Variants in DNAH14 observed in about 807,000 individuals in gnomAD.
DNAH14 encodes dynein axonemal heavy chain 14.
A neutral mutation model predicts 520.9 loss-of-function variants in DNAH14; 478 were observed. That is an observed-to-expected ratio of 0.92 (90% CI 0.85 to 0.99). DNAH14 has a LOEUF of 0.99. Among genes scored for constraint, DNAH14 ranks in the 50% least tolerant of loss-of-function variants. The pLI is 0.00. For missense variants in DNAH14, 4,831 were observed against 5,234.5 expected, an observed-to-expected ratio of 0.92 and a Z score of 2.38; for synonymous variants, 1,581 against 1,757.2, an observed-to-expected ratio of 0.90 and a Z score of 2.51.
At chr1:225,032,765 A>G (rs1047481579) in intron 11 of DNAH14, among the ~76,000 whole-genome samples, 2 of 152,138 alleles carry the variant, frequency 1.3e-5, no homozygotes, top group African/African-American at 2.4e-5. Context: ...CTTTTTAATA[A>G]TAACCATTCT....
intron 41 of DNAH14, among the ~76,000 whole-genome samples, chr1:225,216,214 A>T (rs1173381945): frequency 6.6e-6 from 1 of 152,218 alleles, no homozygotes; most frequent in Non-Finnish European, 1.5e-5. Context: ...AAGAATGTTG[A>T]ATATTGGCTC....
chr1:225,172,687 C>T (rs1029246883), intron 36 of DNAH14, among the ~76,000 whole-genome samples: 1 of 152,140 alleles, frequency 6.6e-6, no homozygotes, highest in Non-Finnish European at 1.5e-5. Context: ...GGCCATACTG[C>T]CCAAGGTAAT....
At chr1:225,220,564 A>T (rs1397759715) in intron 41 of DNAH14, among the ~76,000 whole-genome samples, 2 of 152,224 alleles carry the variant, frequency 1.3e-5, no homozygotes, top group African/African-American at 4.8e-5. Context: ...TGCTACAAAG[A>T]AAATAAAATA....
intron 17 of DNAH14, among the ~76,000 whole-genome samples, chr1:225,066,644 C>T (rs1042072631): frequency 1.5e-4 from 23 of 151,848 alleles, no homozygotes; most frequent in Admixed American, 5.3e-4. Context: ...TTATCTCACA[C>T]CCCCCTCCCA....
intron 32 of DNAH14, among the ~76,000 whole-genome samples, chr1:225,152,302 G>C (rs745887152): frequency 1.2e-4 from 18 of 152,228 alleles, no homozygotes; most frequent in Middle Eastern, 3.4e-3. Context: ...TTTACTTCAT[G>C]AATACCAGAG....
At chr1:225,282,163 C>T (rs2093640790) in intron 54 of DNAH14, among the ~76,000 whole-genome samples, 1 of 152,092 alleles carries the variant, frequency 6.6e-6, no homozygotes, top group South Asian at 2.1e-4. Flanking sequence ...TAACTGTGAA[C>T]CCAAGCAAGT....
Position 225,312,940 on chromosome 1 carries a change from G to C in DNAH14, c.9240+4530G>C, listed in dbSNP as rs183555007. Among the ~76,000 whole-genome samples, 810 of 152,280 alleles carry C rather than the reference G, an allele frequency of 5.3e-3. 31 individuals are homozygous for C. The highest frequency in any genetic ancestry group is 0.05 in the Admixed American group (759 of 15,290). On this transcript the variant is annotated intron_variant, in intron 60 of 85. Transcript: ENST00000682510. ...GTGTCTCTGCCAGGTTTTGGTATCA[G>C]GATGATGCTGGCCTCATAAAATGAG...
intron 42 of DNAH14, among the ~76,000 whole-genome samples, chr1:225,237,016 T>A (rs1239197961): frequency 1.3e-5 from 2 of 152,042 alleles, no homozygotes; most frequent in Non-Finnish European, 2.9e-5. Flanking sequence ...CTACCCCACT[T>A]TTTTTGTTTG....
At chr1:225,189,414 C>CTTT (rs80207047) in intron 37 of DNAH14, among the ~76,000 whole-genome samples, 25 of 110,762 alleles carry the variant, frequency 2.3e-4, no homozygotes, top group South Asian at 1.9e-3. Context: ...TCTTTCTTTT[C>CTTT]TTTTTTTTTT....
chr1:225,171,957 T>A (rs2082726094), intron 36 of DNAH14, among the ~76,000 whole-genome samples: 2 of 152,200 alleles, frequency 1.3e-5, no homozygotes, highest in Admixed American at 1.3e-4. Flanking sequence ...CAAGGCTGGT[T>A]CATCATACAC....
At chr1:225,361,692 A>G (rs1468618267) in intron 75 of DNAH14, among the ~76,000 whole-genome samples, 2 of 152,262 alleles carry the variant, frequency 1.3e-5, no homozygotes, top group Non-Finnish European at 2.9e-5. Flanking sequence ...GATGTCACTC[A>G]TGAGTTATCA....
chr1:225,034,666 G>A (rs1459451992), intron 11 of DNAH14, among the ~76,000 whole-genome samples: 1 of 151,884 alleles, frequency 6.6e-6, no homozygotes, highest in African/African-American at 2.4e-5. Context: ...AGCTCTTCTT[G>A]GTACATCTGC....
chr1:225,222,283 C>G (rs2090114092), intron 41 of DNAH14, among the ~76,000 whole-genome samples: 1 of 152,164 alleles, frequency 6.6e-6, no homozygotes, highest in Admixed American at 6.5e-5. Context: ...CATCATGGGA[C>G]AACAGTTATC....
intron 35 of DNAH14, among the ~76,000 whole-genome samples, chr1:225,161,816 T>C (rs2081546098): frequency 6.6e-6 from 1 of 152,232 alleles, no homozygotes; most frequent in Non-Finnish European, 1.5e-5. Flanking sequence ...TTTTGAGGAA[T>C]GTCTATTCAA....
chr1:225,020,514 A>C (rs2065594932), intron 10 of DNAH14, among the ~76,000 whole-genome samples: 1 of 137,392 alleles, frequency 7.3e-6, no homozygotes. Flanking sequence ...AAAAAAAAAA[A>C]AACAACTCAA....
chr1:225,245,908 A>T (rs909914318), intron 43 of DNAH14, among the ~76,000 whole-genome samples: 2 of 152,168 alleles, frequency 1.3e-5, no homozygotes, highest in Non-Finnish European at 2.9e-5. Context: ...AAGAACCCAT[A>T]TAGCCAAGAC....
intron 51 of DNAH14, 79 bp from the exon 52 acceptor site, chr1:225,272,876 C>A (rs1419872363): frequency 6.7e-6 from 9 of 1,348,036 alleles, no homozygotes; most frequent in African/African-American, 1.5e-5. Context: ...GATCATAAAC[C>A]TGCAAAAATT....
chr1:224,930,096 C>G (rs1000421241), intron 1 of DNAH14, among the ~76,000 whole-genome samples: 4 of 152,224 alleles, frequency 2.6e-5, no homozygotes, highest in South Asian at 2.1e-4. Flanking sequence ...TTCTTAGTTG[C>G]TCTCCCTCAG....
chr1:225,268,604 T>A (rs1041461535), intron 49 of DNAH14, among the ~76,000 whole-genome samples: 5 of 152,224 alleles, frequency 3.3e-5, no homozygotes, highest in African/African-American at 1.2e-4. Flanking sequence ...AAAATCTCCT[T>A]AAGCTGATAA....
Sources: allele counts gnomAD v4.1 joint callset (sites outside exome capture counted in the v4.1 genomes callset), GRCh38; gene constraint gnomAD v4.1.1; transcripts MANE v1.5; gene names NCBI Gene and HGNC (gene_info 2026-07-23, HGNC 2026-07-21).